Variants in PEBP4 observed in about 807,000 individuals in gnomAD.
The protein encoded by PEBP4 is phosphatidylethanolamine binding protein 4, also known as phosphatidylethanolamine-binding protein 4.
Under a neutral mutation model 23.9 loss-of-function variants are expected in PEBP4, and 22 were observed. That is an observed-to-expected ratio of 0.92 (90% confidence interval 0.66 to 1.31). PEBP4 has a LOEUF of 1.31. Among genes scored for constraint, PEBP4 ranks in the 40% most tolerant of loss-of-function variants. The pLI, the probability that PEBP4 is intolerant of heterozygous loss-of-function variation, is 0.00. For missense variants in PEBP4, 324 were observed against 281.7 expected (o/e 1.15, Z -1.07); for synonymous variants, 112 against 99.3 (o/e 1.13, Z -0.76).
At chr8:22,873,011 C>G (rs1339019188) in intron 3 of PEBP4, among the ~76,000 whole-genome samples, 1 of 152,050 alleles carries the variant, frequency 6.6e-6, no homozygotes, top group Non-Finnish European at 1.5e-5. Flanking sequence ...GGTCTTTTTA[C>G]TAGATCAGGG....
chr8:22,878,240 G>GGGAGGGAA (rs1491501331), intron 3 of PEBP4: 4 of 151,750 alleles, frequency 2.6e-5, no homozygotes, highest in Non-Finnish European at 5.9e-5. Flanking sequence ...GAGGGAGGGA[G>GGGAGGGAA]GGAGGGAGGG....
At chr8:22,873,020 G>A (rs1470568414) in intron 3 of PEBP4, among the ~76,000 whole-genome samples, 1 of 152,028 alleles carries the variant, frequency 6.6e-6, no homozygotes, top group Non-Finnish European at 1.5e-5. Flanking sequence ...ACTAGATCAG[G>A]GAAGATTAGA....
At chr8:22,873,308 C>T (rs143310824) in intron 3 of PEBP4, among the ~76,000 whole-genome samples, 4 of 152,256 alleles carry the variant, frequency 2.6e-5, no homozygotes, top group South Asian at 2.1e-4. Flanking sequence ...TTTCCATTTA[C>T]GTTAAGTTCA....
At chr8:22,730,698 G>C (rs1225516575) in intron 4 of PEBP4, among the ~76,000 whole-genome samples, 1 of 152,196 alleles carries the variant, frequency 6.6e-6, no homozygotes, top group Non-Finnish European at 1.5e-5. Context: ...AAAGTGCCCT[G>C]GGAGGAGGGG....
At chr8:22,940,723 T>C (rs554783152) in intron 1 of PEBP4, among the ~76,000 whole-genome samples, 5 of 152,262 alleles carry the variant, frequency 3.3e-5, no homozygotes, top group Non-Finnish European at 7.4e-5. Context: ...TCTCCTGACC[T>C]CGTGATCTGC....
intron 3 of PEBP4, among the ~76,000 whole-genome samples, chr8:22,832,308 C>T (rs1197778529): frequency 6.6e-6 from 1 of 152,108 alleles, no homozygotes; most frequent in Non-Finnish European, 1.5e-5. Flanking sequence ...GGGCTAGGTA[C>T]CTTCATAAGA....
intron 4 of PEBP4, among the ~76,000 whole-genome samples, chr8:22,814,786 C>G (rs1806702856): frequency 6.6e-6 from 1 of 152,150 alleles, no homozygotes; most frequent in East Asian, 1.9e-4. Context: ...AAAACACTTA[C>G]CTAGTGTGTT....
Position 22,812,505 on chromosome 8 carries a change from T to C in PEBP4, c.357+5132A>G, listed in dbSNP as rs142104240. Among the ~76,000 whole-genome samples, 725 of 152,332 alleles carry C rather than the reference T, an allele frequency of 4.8e-3. 5 individuals carry two copies. Among genetic ancestry groups the C allele is most frequent in the Middle Eastern group, 0.027 (8 of 294 alleles). The stretch of plus-strand genomic sequence containing the variant: ...TATGGCCCATAGAGCTGAACCTACA[T>C]GTTAGGAAGCCTAAGTCACGCCTTT... On this transcript the variant is annotated intron_variant, in intron 4 of 6. Coordinates refer to ENST00000256404, the MANE Select transcript of PEBP4 (RefSeq NM_144962.3).
intron 3 of PEBP4, among the ~76,000 whole-genome samples, chr8:22,881,326 G>T (rs1348633180): frequency 6.6e-6 from 1 of 152,194 alleles, no homozygotes; most frequent in Non-Finnish European, 1.5e-5. Context: ...CACCTACAAG[G>T]ACTTGTGCCT....
At chr8:22,774,059 C>T (rs117111049) in intron 4 of PEBP4, among the ~76,000 whole-genome samples, 2 of 152,142 alleles carry the variant, frequency 1.3e-5, no homozygotes, top group Admixed American at 1.3e-4. Flanking sequence ...ACCACAGCCT[C>T]CCTCCTGCTG....
intron 3 of PEBP4, among the ~76,000 whole-genome samples, chr8:22,820,650 C>A (rs943342619): frequency 6.6e-6 from 1 of 152,056 alleles, no homozygotes; most frequent in Admixed American, 6.5e-5. Context: ...ATCTCAAAGG[C>A]AGGTAAAGTA....
chr8:22,912,575 T>A (rs578237027), intron 3 of PEBP4, among the ~76,000 whole-genome samples: 2 of 152,360 alleles, frequency 1.3e-5, no homozygotes, highest in African/African-American at 4.8e-5. Flanking sequence ...AGTGTGACCC[T>A]GGGCAGCGCC....
chr8:22,727,568 T>A (rs1367145753), intron 4 of PEBP4, among the ~76,000 whole-genome samples: 1 of 152,134 alleles, frequency 6.6e-6, no homozygotes, highest in Admixed American at 6.5e-5. Context: ...TGCCTGAGAC[T>A]GGGCGCTACA....
intron 3 of PEBP4, chr8:22,885,173 G>A (rs1015706843): frequency 6.6e-6 from 1 of 152,180 alleles, no homozygotes; most frequent in African/African-American, 2.4e-5. Context: ...CTTGCTTGAT[G>A]CCAGTTCATA....
rs375032768 is a variant in PEBP4, at chr8:22,801,832, A to T, written c.357+15805T>A. 3.4e-4 allele frequency among the ~76,000 whole-genome samples: 51 copies of T among 152,050 alleles called. 3 individuals are homozygous for T. Among genetic ancestry groups the T allele is most frequent in the East Asian group, 1.7e-3 (9 of 5,170 alleles). On this transcript the variant is annotated intron_variant, in intron 4 of 6. Coordinates refer to ENST00000256404, the MANE Select transcript of PEBP4 (RefSeq NM_144962.3). ...GCTCTCCCTCCTACCCTATATGTGC[A>T]ATCTTGTGAAAACTCCACCACTCTT...
chr8:22,821,713 C>A (rs550346155), intron 3 of PEBP4, among the ~76,000 whole-genome samples: 1 of 151,916 alleles, frequency 6.6e-6, no homozygotes, highest in Non-Finnish European at 1.5e-5. Flanking sequence ...GGGCCGGGTG[C>A]GGTGGCTCAT....
At chr8:22,892,166 G>T (rs1808508766) in intron 3 of PEBP4, among the ~76,000 whole-genome samples, 1 of 152,012 alleles carries the variant, frequency 6.6e-6, no homozygotes, top group Non-Finnish European at 1.5e-5. Flanking sequence ...AACTTTAGTA[G>T]TCAGCCTATT....
At chr8:22,922,670 G>A (rs761300205) in intron 2 of PEBP4, among the ~76,000 whole-genome samples, 32 of 151,996 alleles carry the variant, frequency 2.1e-4, no homozygotes, top group Non-Finnish European at 3.8e-4. Context: ...AAGCTGCAGT[G>A]AGCCATGATT....
At chr8:22,830,918 T>C (rs2872211) in intron 3 of PEBP4, among the ~76,000 whole-genome samples, 96,272 of 152,038 alleles carry the variant, frequency 0.63, 31,021 homozygotes, top group East Asian at 0.87. Context: ...ACAAATAGAT[T>C]ATGTGATCCT....
Sources: gnomAD v4.1 joint callset for allele counts (sites outside exome capture counted in the v4.1 genomes callset) on GRCh38, gnomAD v4.1.1 for gene constraint, MANE v1.5 for transcripts, NCBI Gene and HGNC (gene_info 2026-07-23, HGNC 2026-07-21) for gene names.